ADAM10: variants seen among roughly 807,000 people sequenced by gnomAD.
ADAM10 encodes disintegrin and metalloproteinase domain-containing protein 10.
In ADAM10, 17 loss-of-function variants were observed where a neutral mutation model predicts 90.1. The observed-to-expected ratio is 0.19, with a 90% CI of 0.13 to 0.28. The LOEUF is 0.28. Ranked by LOEUF, ADAM10 falls within the 10% of genes least tolerant of loss-of-function variation. The pLI, the probability that ADAM10 is intolerant of heterozygous loss-of-function variation, is 1.00. For missense variants in ADAM10, 610 were observed against 914.3 expected (o/e 0.67, Z 4.29); for synonymous variants, 310 against 298.6 (o/e 1.04, Z -0.40).
At position 58,737,662 on chromosome 15, in the gene ADAM10, C is replaced by A. The variant is rs566536158; in HGVS notation, c.55+11818G>T. Among the ~76,000 whole-genome samples, 21 of 152,174 alleles carry A rather than the reference C, an allele frequency of 1.4e-4. No homozygotes were observed. The East Asian group carries it at 1.7e-3, about 13-fold the overall frequency. On this transcript the variant is annotated intron_variant, in intron 1 of 15. Transcript: ENST00000260408. Reference sequence around the variant, plus strand: ...AACAACAGTGCCTGGCATTAAGTACCCCAACAAATGCCAGCCATTGTGATT... The same window carrying A: ...AACAACAGTGCCTGGCATTAAGTACACCAACAAATGCCAGCCATTGTGATT...
At position 58,589,072 on chromosome 15, in the gene ADAM10, G is replaced by A. The variant is rs762658506; in HGVS notation, c.*8475C>T. 6.6e-6 allele frequency: 1 copy of A among 152,206 alleles called. No homozygotes were observed. Among genetic ancestry groups the A allele is most frequent in the Admixed American group, 6.5e-5 (1 of 15,280 alleles). The allele number at this position is 152,206 out of a possible 1,614,324, so 9.4% of individuals were successfully genotyped here. ...TTAAAAATACAGCTGTTGGTAATGT[G>A]TTGTAATGAAACTAACTTTTGTGCC... is the stretch of plus-strand genomic sequence containing the variant. On this transcript the variant is annotated 3_prime_UTR_variant, in exon 16 of 16. Transcript: ENST00000260408.
chr15:58,697,246 A>T (rs1279219459), intron 2 of ADAM10, among the ~76,000 whole-genome samples: 1 of 152,104 alleles, frequency 6.6e-6, no homozygotes, highest in Non-Finnish European at 1.5e-5. Context: ...CTGAGGACAG[A>T]CTACCCTGCC....
intron 1 of ADAM10, among the ~76,000 whole-genome samples, chr15:58,728,189 A>T (rs1485386756): frequency 6.6e-6 from 1 of 152,220 alleles, no homozygotes; most frequent in East Asian, 1.9e-4. Context: ...ATATGCAGAA[A>T]ATCCCCAAAT....
chr15:58,624,940 A>C (rs1895894444), intron 10 of ADAM10, among the ~76,000 whole-genome samples: 1 of 152,226 alleles, frequency 6.6e-6, no homozygotes, highest in Admixed American at 6.5e-5. Context: ...GTACATTTTT[A>C]AAAGTCAACT....
chr15:58,691,376 G>C (rs1481045703), intron 2 of ADAM10: 1 of 870,142 alleles, frequency 1.1e-6, no homozygotes, highest in African/African-American at 1.6e-5. Context: ...TTACCTCGAA[G>C]CCCTTCTTCC....
Position 58,611,960 on chromosome 15 carries a change from A to C in ADAM10, c.1543T>G (p.Cys515Gly). 1.2e-6 allele frequency: 2 copies of C among 1,614,170 alleles called. No homozygotes were observed. Among genetic ancestry groups the C allele is most frequent in the Non-Finnish European group, 1.7e-6 (2 of 1,180,018 alleles). ...PSQGPCCTAQ[C>G]AFKSKSEKCR... ...TTCTCAGACTTTGACTTGAATGCAC[A>C]CTGTGCTGTACAACAAGGACCTTGA... The change falls in exon 12 of 16, where the codon TGT becomes GGT. Residue 515 changes from cysteine to glycine, a missense_variant. Coordinates refer to ENST00000260408, the MANE Select transcript of ADAM10 (RefSeq NM_001110.4).
chr15:58,667,962 G>A (rs1237472511), intron 4 of ADAM10, among the ~76,000 whole-genome samples: 2 of 152,006 alleles, frequency 1.3e-5, no homozygotes, highest in Non-Finnish European at 2.9e-5. Context: ...CTAGAAAGAG[G>A]AGGAAGTTGA....
At chr15:58,688,417 G>A (rs1162669561) in intron 2 of ADAM10, among the ~76,000 whole-genome samples, 4 of 145,462 alleles carry the variant, frequency 2.7e-5, no homozygotes, top group African/African-American at 1.1e-4. Flanking sequence ...ATCAAAATGT[G>A]AAATATCCAA....
At position 58,735,433 on chromosome 15, in the gene ADAM10, G is replaced by C. The variant is rs531997226; in HGVS notation, c.55+14047C>G. Among the ~76,000 whole-genome samples the C allele has an allele frequency of 7.2e-5, 11 of 152,250 alleles. No homozygotes were observed. The South Asian group carries it at 2.1e-3, about 29-fold the overall frequency. On this transcript the variant is annotated intron_variant, in intron 1 of 15. Coordinates refer to ENST00000260408, the MANE Select transcript of ADAM10 (RefSeq NM_001110.4). The stretch of plus-strand genomic sequence containing the variant: ...TAAAATTGTCCCTTGGTATCCCTGG[G>C]GGGTTGGTTCAAGGACTTCCCACAG...
intron 2 of ADAM10, among the ~76,000 whole-genome samples, chr15:58,707,081 T>TA (rs1555420526): frequency 0.013 from 619 of 47,212 alleles, 3 homozygotes; most frequent in Admixed American, 0.021. Context: ...CTATAAACTT[T>TA]GGGGGGGGGA....
intron 3 of ADAM10, 75 bp from the exon 4 acceptor site, chr15:58,679,357 T>A (rs536290917): frequency 3.2e-6 from 4 of 1,253,864 alleles, no homozygotes; most frequent in Non-Finnish European, 4.6e-6. Context: ...TATATGTATA[T>A]ATGTGTGTAT....
At position 58,706,757 on chromosome 15, in the gene ADAM10, T is replaced by A. The variant is rs373368498; in HGVS notation, c.206+10820A>T. Among the ~76,000 whole-genome samples, 198 of 152,178 alleles carry A rather than the reference T, an allele frequency of 1.3e-3. 9 individuals carry two copies. In the South Asian group the frequency reaches 0.04, roughly 31 times the overall value. ...CAGGTACGGTGGCTCATGCCTGTAA[T>A]TCCAGAACTTTGGGAGGCCAAGGCA... On this transcript the variant is annotated intron_variant, in intron 2 of 15. Transcript: ENST00000260408.
chr15:58,684,431 A>C (rs941595967), intron 2 of ADAM10, among the ~76,000 whole-genome samples: 3 of 152,220 alleles, frequency 2.0e-5, no homozygotes, highest in African/African-American at 7.2e-5. Context: ...TCAAATAATA[A>C]GAGCAATGGA....
rs145898971 is a variant in ADAM10, at chr15:58,703,928, T to C, written c.206+13649A>G. ...TCTCAGGTAGTTCTTGATAGCTTGT[T>C]TGGAGGTTCTAGCAGGGGAGCACAG... On this transcript the variant is annotated intron_variant, in intron 2 of 15. Coordinates refer to ENST00000260408, the MANE Select transcript of ADAM10 (RefSeq NM_001110.4). 3 of 153,956 alleles carry C rather than the reference T, an allele frequency of 1.9e-5. No individual in the cohort carries two copies. In the East Asian group the frequency reaches 5.7e-4, roughly 29 times the overall value. The allele number at this position is 153,956 out of a possible 1,614,324, so 9.5% of individuals were successfully genotyped here.
chr15:58,607,095 C>T (rs56357958), intron 14 of ADAM10, among the ~76,000 whole-genome samples: 6,861 of 152,284 alleles, frequency 0.045, 522 homozygotes, highest in African/African-American at 0.15. Context: ...AAAAACCGTT[C>T]TTAGCTTCTG....
intron 2 of ADAM10, chr15:58,691,598 G>A (rs1897799767): frequency 2.1e-6 from 1 of 470,574 alleles, no homozygotes; most frequent in Non-Finnish European, 4.2e-6. Context: ...AGATTTTAGA[G>A]AATACCTCAT....
chr15:58,690,463 T>C (rs1566996492), intron 2 of ADAM10, among the ~76,000 whole-genome samples: 1 of 152,212 alleles, frequency 6.6e-6, no homozygotes, highest in Non-Finnish European at 1.5e-5. Flanking sequence ...TTGTGTTGTT[T>C]TACTGTATAA....
intron 1 of ADAM10, among the ~76,000 whole-genome samples, chr15:58,728,420 T>C (rs1374576081): frequency 6.6e-6 from 1 of 152,080 alleles, no homozygotes; most frequent in African/African-American, 2.4e-5. Context: ...AAACTATACC[T>C]CAATAAAGCT....
At chr15:58,614,159 C>T (rs1895534452) in intron 11 of ADAM10, among the ~76,000 whole-genome samples, 1 of 152,040 alleles carries the variant, frequency 6.6e-6, no homozygotes, top group Non-Finnish European at 1.5e-5. Context: ...GTGGCACGCA[C>T]CTGTAATACC....
Sources: allele counts gnomAD v4.1 joint callset (sites outside exome capture counted in the v4.1 genomes callset), GRCh38; gene constraint gnomAD v4.1.1; transcripts MANE v1.5; gene names NCBI Gene and HGNC (gene_info 2026-07-23, HGNC 2026-07-21).